CLDN16: variants seen among roughly 807,000 people sequenced by gnomAD.
CLDN16 encodes claudin-16.
A neutral mutation model predicts 24.6 loss-of-function variants in CLDN16; 13 were observed. The ratio of observed to expected loss-of-function variants is 0.53; its 90% CI spans 0.34 to 0.84. The LOEUF is 0.84. CLDN16 is among the 40% of genes least tolerant of loss of function. CLDN16 has a pLI of 0.01. For synonymous variants in CLDN16, 116 were observed against 106.7 expected (o/e 1.09, Z -0.54); for missense variants, 298 against 292.7 (o/e 1.02, Z -0.13).
chr3:190,334,966 GA>G (rs200546772), intron 1 of CLDN16, among the ~76,000 whole-genome samples: 6,487 of 151,492 alleles, frequency 0.043, 317 homozygotes, highest in African/African-American at 0.12. Flanking sequence ...GTCTAAAGAT[GA>G]ATTCTTTTAT....
intron 1 of CLDN16, among the ~76,000 whole-genome samples, chr3:190,344,671 A>G (rs1200899314): frequency 6.6e-6 from 1 of 151,916 alleles, no homozygotes; most frequent in Non-Finnish European, 1.5e-5. Flanking sequence ...TGTCTTCCAT[A>G]AAAAAGTAGC....
chr3:190,346,211 T>C (rs1448702994), intron 1 of CLDN16, among the ~76,000 whole-genome samples: 1 of 151,630 alleles, frequency 6.6e-6, no homozygotes, highest in Non-Finnish European at 1.5e-5. Context: ...CATGTTAGAA[T>C]GCCTGGAGGT....
At chr3:190,362,990 AT>A (rs919736938) in intron 1 of CLDN16, among the ~76,000 whole-genome samples, 1 of 151,950 alleles carries the variant, frequency 6.6e-6, no homozygotes, top group Non-Finnish European at 1.5e-5. Context: ...GCATATGTGC[AT>A]TTTTTAAAAA....
rs139368354 is a variant in CLDN16, at chr3:190,375,130, G to A, written n.306+527G>A. 2.6e-3 allele frequency among the ~76,000 whole-genome samples: 392 copies of A among 152,092 alleles called. 6 individuals are homozygous for A. In the South Asian group the frequency reaches 0.036, roughly 14 times the overall value. On this transcript the variant is annotated intron_variant and non_coding_transcript_variant, in intron 3 of 4. Coordinates refer to the CLDN16 transcript ENST00000468220. ...TCATTTTTATTTATTCAGAAGGGATGTTTAAACTCCTGTTGGTGAGATGCA... is the reference window on the plus strand; with the variant it reads ...TCATTTTTATTTATTCAGAAGGGATATTTAAACTCCTGTTGGTGAGATGCA...
At chr3:190,351,721 C>G (rs953002430) in intron 1 of CLDN16, among the ~76,000 whole-genome samples, 3 of 151,762 alleles carry the variant, frequency 2.0e-5, no homozygotes, top group African/African-American at 7.3e-5. Flanking sequence ...TAGAGGTAAA[C>G]AGATGGAAAA....
At chr3:190,334,219 T>A (rs866755953) in intron 1 of CLDN16, among the ~76,000 whole-genome samples, 1 of 152,244 alleles carries the variant, frequency 6.6e-6, no homozygotes, top group Admixed American at 6.5e-5. Context: ...ACTATACGTG[T>A]GTGTTTAGCA....
upstream of CLDN16, among the ~76,000 whole-genome samples, chr3:190,386,246 A>C (rs181162739): frequency 1.2e-4 from 18 of 152,334 alleles, no homozygotes; most frequent in African/African-American, 4.3e-4. Flanking sequence ...GGGCAATGAC[A>C]TTCTTTGAAT....
At chr3:190,374,330 A>T (rs1718204651) in intron 2 of CLDN16, among the ~76,000 whole-genome samples, 1 of 146,900 alleles carries the variant, frequency 6.8e-6, no homozygotes, top group Admixed American at 6.8e-5. Flanking sequence ...CCTGAAGCAG[A>T]GTCAGAGACC....
chr3:190,394,756 T>C (rs1718773092), intron 1 of CLDN16, among the ~76,000 whole-genome samples: 1 of 152,174 alleles, frequency 6.6e-6, no homozygotes, highest in South Asian at 2.1e-4. Flanking sequence ...ATTGAAAATC[T>C]CACATTGAAC....
At chr3:190,322,377 C>T, upstream of CLDN16, 1 of 662,736 alleles carries the variant, frequency 1.5e-6, no homozygotes, top group Non-Finnish European at 2.7e-6. Flanking sequence ...GGGTTGGGGT[C>T]CGCGCCCGGG....
intron 2 of CLDN16, among the ~76,000 whole-genome samples, chr3:190,371,163 C>A (rs963668808): frequency 6.7e-6 from 1 of 149,226 alleles, no homozygotes; most frequent in Non-Finnish European, 1.5e-5. Flanking sequence ...TAGTTCTGTT[C>A]CTTGCAGATG....
chr3:190,345,148 T>A (rs1156931257), intron 1 of CLDN16, among the ~76,000 whole-genome samples: 2 of 152,160 alleles, frequency 1.3e-5, no homozygotes, highest in African/African-American at 4.8e-5. Context: ...CAGTTTAAGT[T>A]CCTGGTTCTT....
the CLDN16 span, among the ~76,000 whole-genome samples, chr3:190,301,683 C>T: frequency 1.4e-4 from 21 of 152,262 alleles, no homozygotes; most frequent in African/African-American, 5.1e-4. Flanking sequence ...TTTCATACCT[C>T]ACATCTAGTC....
At chr3:190,295,334 A>G in the CLDN16 span, among the ~76,000 whole-genome samples, 1 of 152,180 alleles carries the variant, frequency 6.6e-6, no homozygotes, top group Non-Finnish European at 1.5e-5. Flanking sequence ...CTTAGAGGAA[A>G]AGAGAATCTT....
the CLDN16 span, among the ~76,000 whole-genome samples, chr3:190,314,550 A>G: frequency 7.0e-6 from 1 of 142,188 alleles, no homozygotes; most frequent in East Asian, 2.0e-4. Flanking sequence ...ACGAACCACC[A>G]TGCCTGGCTA....
At chr3:190,406,893 C>A (rs908179599) in intron 3 of CLDN16, among the ~76,000 whole-genome samples, 4 of 152,044 alleles carry the variant, frequency 2.6e-5, no homozygotes, top group African/African-American at 9.7e-5. Context: ...AGGCGCCCAC[C>A]ACCACGCCTG....
chr3:190,343,754 G>A (rs115734134), intron 1 of CLDN16, among the ~76,000 whole-genome samples: 2,025 of 152,160 alleles, frequency 0.013, 41 homozygotes, highest in African/African-American at 0.047. Flanking sequence ...TTAAAAAAAT[G>A]GCAGGGGAGT....
intron 1 of CLDN16, among the ~76,000 whole-genome samples, chr3:190,357,265 A>G (rs1447210865): frequency 6.6e-6 from 1 of 151,932 alleles, no homozygotes; most frequent in African/African-American, 2.4e-5. Flanking sequence ...CAGATCTGGG[A>G]TCAGAAAAAC....
chr3:190,308,865 G>T, the CLDN16 span, among the ~76,000 whole-genome samples: 22,259 of 152,120 alleles, frequency 0.15, 1,837 homozygotes, highest in African/African-American at 0.21. Flanking sequence ...GCTTTGAACA[G>T]ATGATCCATT....
Sources: gnomAD v4.1 joint callset for allele counts (sites outside exome capture counted in the v4.1 genomes callset) on GRCh38, gnomAD v4.1.1 for gene constraint, MANE v1.5 for transcripts, NCBI Gene and HGNC (gene_info 2026-07-23, HGNC 2026-07-21) for gene names.